STK3: variants seen among roughly 807,000 people sequenced by gnomAD.
STK3 encodes serine/threonine-protein kinase 3.
In STK3, 41 loss-of-function variants were observed where a neutral mutation model predicts 58.0. That is an observed-to-expected ratio of 0.71 (90% CI 0.55 to 0.92). The LOEUF is 0.92. STK3 is among the 40% of genes least tolerant of loss of function. STK3 has a pLI of 0.00. For missense variants in STK3, 479 were observed against 602.7 expected (o/e 0.79, Z 2.15); for synonymous variants, 170 against 191.0 (o/e 0.89, Z 0.91).
At chr8:98,484,956 T>C (rs1822128434) in intron 10 of STK3, among the ~76,000 whole-genome samples, 1 of 152,150 alleles carries the variant, frequency 6.6e-6, no homozygotes, top group African/African-American at 2.4e-5. Flanking sequence ...AAGAATTTTA[T>C]TGGCCGGGTA....
chr8:98,928,047 G>C (rs1839867773), intron 1 of STK3, among the ~76,000 whole-genome samples: 1 of 152,172 alleles, frequency 6.6e-6, no homozygotes, highest in Non-Finnish European at 1.5e-5. Flanking sequence ...TTGTCTGTAG[G>C]GTACTTCAGT....
intron 1 of STK3, chr8:98,782,527 G>A (rs1337652545): frequency 3.0e-6 from 1 of 329,748 alleles, no homozygotes. Flanking sequence ...AGGCCTGCTG[G>A]TCTAAGACCA....
intron 7 of STK3, among the ~76,000 whole-genome samples, chr8:98,585,892 CTGTT>C (rs1459808148): frequency 3.3e-5 from 5 of 151,476 alleles, no homozygotes; most frequent in Non-Finnish European, 7.4e-5. Flanking sequence ...ATTTGGCTCT[CTGTT>C]TGTCTGTTGT....
chr8:98,933,023 A>G (rs1481668558), intron 1 of STK3, among the ~76,000 whole-genome samples: 2 of 152,214 alleles, frequency 1.3e-5, no homozygotes. Context: ...GTAAAATGAG[A>G]GACCTGGGTT....
chr8:98,357,455 G>A, the STK3 span, among the ~76,000 whole-genome samples: 6 of 152,170 alleles, frequency 3.9e-5, no homozygotes, highest in African/African-American at 7.2e-5. Flanking sequence ...CCAGAAGCAC[G>A]GGATTCATAC....
chr8:98,420,662 T>G (rs1203509395), intron 3 of STK3, among the ~76,000 whole-genome samples: 2 of 152,178 alleles, frequency 1.3e-5, no homozygotes, highest in Non-Finnish European at 2.9e-5. Flanking sequence ...GAGGGCAGAT[T>G]TGGATACCAC....
chr8:98,477,088 A>G (rs1821374295), intron 10 of STK3, among the ~76,000 whole-genome samples: 1 of 152,208 alleles, frequency 6.6e-6, no homozygotes, highest in Non-Finnish European at 1.5e-5. Flanking sequence ...AAATCTGTAC[A>G]AACAAACCTT....
At chr8:98,528,122 A>C (rs916753790) in intron 9 of STK3, among the ~76,000 whole-genome samples, 3 of 152,140 alleles carry the variant, frequency 2.0e-5, no homozygotes, top group African/African-American at 7.2e-5. Context: ...CAACTGTCTT[A>C]GTTTAGCTTC....
At chr8:98,634,800 T>C (rs1379779328) in intron 6 of STK3, among the ~76,000 whole-genome samples, 2 of 152,118 alleles carry the variant, frequency 1.3e-5, no homozygotes, top group African/African-American at 4.8e-5. Context: ...GTCTTAACCC[T>C]TTCTTTCAGA....
chr8:98,703,737 A>G (rs1230879970), intron 6 of STK3, among the ~76,000 whole-genome samples: 1 of 152,064 alleles, frequency 6.6e-6, no homozygotes, highest in African/African-American at 2.4e-5. Flanking sequence ...AACCCTCCAT[A>G]TCAAGGCCAT....
Position 98,934,535 on chromosome 8 carries a change from T to C in STK3, c.-79+7843A>G, listed in dbSNP as rs371710466. Among the ~76,000 whole-genome samples the C allele has an allele frequency of 4.6e-4, 70 of 152,348 alleles. 1 individual carries two copies. The highest frequency in any genetic ancestry group is 1.6e-3 in the African/African-American group (66 of 41,582). ...CAAAGTAGAATCCTGCCAATGCATA[T>C]AGTGCTTAAAACCATAAAAGCAGCA... On this transcript the variant is annotated intron_variant, in intron 1 of 1. Transcript: ENST00000519420.
chr8:98,680,989 T>C (rs1363689123), intron 6 of STK3, among the ~76,000 whole-genome samples: 1 of 150,984 alleles, frequency 6.6e-6, no homozygotes, highest in Non-Finnish European at 1.5e-5. Context: ...TTCTTTTTTT[T>C]TTTTTTTTTT....
intron 3 of STK3, among the ~76,000 whole-genome samples, chr8:98,393,958 G>A (rs919935743): frequency 3.3e-5 from 5 of 152,208 alleles, no homozygotes; most frequent in Admixed American, 2.0e-4. Context: ...CCACTGTAGA[G>A]GCTGAAGCAC....
At chr8:98,784,732 C>T (rs1832347501) in intron 1 of STK3, among the ~76,000 whole-genome samples, 1 of 152,044 alleles carries the variant, frequency 6.6e-6, no homozygotes, top group African/African-American at 2.4e-5. Context: ...GGGCCCTCTC[C>T]ACTCCACATG....
intron 3 of STK3, chr8:98,427,902 C>G (rs1339981145): frequency 3.9e-6 from 5 of 1,276,418 alleles, no homozygotes; most frequent in African/African-American, 1.5e-5. Flanking sequence ...CCAGGGCGCA[C>G]GGCGCTCTCG....
At chr8:98,644,411 C>T (rs1820248747) in intron 6 of STK3, among the ~76,000 whole-genome samples, 1 of 152,136 alleles carries the variant, frequency 6.6e-6, no homozygotes, top group South Asian at 2.1e-4. Context: ...TTATCTGATG[C>T]TTTACGGCAT....
rs909338643 is a variant in STK3 at position 98,476,909 on chromosome 8, TACTG to T, written c.1318-20913_1318-20910del. Among the ~76,000 whole-genome samples the T allele has an allele frequency of 1.1e-4, 17 of 152,308 alleles. No individual in the cohort carries two copies. The East Asian group carries it at 1.9e-3, about 17-fold the overall frequency. ...CACCCCAAAATACATTACTCTGGCA[TACTG>T]ACTATTTTGAGTAAAAGGTACTTGA... On this transcript the variant is annotated intron_variant, in intron 10 of 10. Transcript: ENST00000419617.
At position 98,386,756 on chromosome 8, in the gene STK3, T is replaced by C. The variant is rs187148893; in HGVS notation, n.56+1436A>G. ...GCACTTTGGGAGGCCACAGTGGGTA[T>C]ATCACCTGAGGTCAGGAGTTGAAGA... On this transcript the variant is annotated intron_variant and non_coding_transcript_variant, in intron 1 of 2. Coordinates refer to the STK3 transcript ENST00000518704. 7.3e-4 allele frequency among the ~76,000 whole-genome samples: 111 copies of C among 152,170 alleles called. No homozygotes were observed. In the Middle Eastern group the frequency reaches 0.014, roughly 19 times the overall value.
chr8:98,403,822 T>C (rs1005897581), intron 3 of STK3, among the ~76,000 whole-genome samples: 1 of 152,244 alleles, frequency 6.6e-6, no homozygotes, highest in African/African-American at 2.4e-5. Flanking sequence ...TCCAGTGCTC[T>C]GGTAAGTGCC....
Sources: allele counts gnomAD v4.1 joint callset (sites outside exome capture counted in the v4.1 genomes callset), GRCh38; gene constraint gnomAD v4.1.1; transcripts MANE v1.5; gene names NCBI Gene and HGNC (gene_info 2026-07-23, HGNC 2026-07-21).